The following MYH14 variants were observed in gnomAD, a reference collection of about 807,000 sequenced individuals.
MYH14 encodes myosin heavy chain 14.
In MYH14, 123 loss-of-function variants were observed where a neutral mutation model predicts 255.5. That is an observed-to-expected ratio of 0.48 (90% CI 0.42 to 0.56). MYH14 has a LOEUF of 0.56. MYH14 is among the 20% of genes least tolerant of loss of function. The pLI is 0.00. For synonymous variants in MYH14, 1,095 were observed against 1,161.2 expected (o/e 0.94, Z 1.16); for missense variants, 2,423 against 2,802.3 (o/e 0.86, Z 3.06).
intron 21 of MYH14, 37 bp downstream of exon 21, chr19:50,261,672 C>T (rs770593735): frequency 6.5e-6 from 10 of 1,541,482 alleles, no homozygotes; most frequent in African/African-American, 2.8e-5. Flanking sequence ...TCCTGTTGGC[C>T]GAGACTGGGT....
chr19:50,206,027 C>CCT (rs1334072315), intron 1 of MYH14, among the ~76,000 whole-genome samples: 2 of 152,166 alleles, frequency 1.3e-5, no homozygotes. Context: ...AGTAATTAGC[C>CCT]CTGGCAGAGT....
chr19:50,224,042 C>T (rs1447211692), intron 5 of MYH14, 112 bp from the exon 6 acceptor site: 5 of 730,492 alleles, frequency 6.8e-6, no homozygotes, highest in East Asian at 2.8e-5. Context: ...TCCCCAGTCC[C>T]CCTTCCCCCA....
At position 50,255,337 on chromosome 19, in the gene MYH14, C is replaced by A; in HGVS notation, c.2044+19C>A. On this transcript the variant is annotated intron_variant, in intron 17 of 42. Coordinates refer to ENST00000642316, the MANE Select transcript of MYH14 (RefSeq NM_001145809.2). Reference sequence around the variant, plus strand: ...CCAGGGGGTGGGTGTCTCTGTGCATCGATGGGTGAGGCTTGCTGGAGGAGG... The same window carrying A: ...CCAGGGGGTGGGTGTCTCTGTGCATAGATGGGTGAGGCTTGCTGGAGGAGG... The A allele has an allele frequency of 6.5e-7, 1 of 1,537,538 alleles. No homozygotes were observed. The highest frequency in any genetic ancestry group is 1.4e-5 in the African/African-American group (1 of 72,820).
Position 50,250,040 on chromosome 19 carries a change from T to G in MYH14, c.1656+217T>G, listed in dbSNP as rs2123307636. 1.3e-5 allele frequency among the ~76,000 whole-genome samples: 2 copies of G among 152,394 alleles called. No individual in the cohort carries two copies. Among genetic ancestry groups the G allele is most frequent in the South Asian group, 4.1e-4 (2 of 4,834 alleles). On this transcript the variant is annotated intron_variant, in intron 14 of 42. Coordinates refer to ENST00000642316, the MANE Select transcript of MYH14 (RefSeq NM_001145809.2). This position sits in a 1 kb window ranked among gnomAD's most constrained non-coding sequence, Gnocchi z 5.4. ...CAGGGCCCGGCTCAAATCAATCGGT[T>G]AATCAGAGCTCTCACCGTAACTGTT...
intron 18 of MYH14, chr19:50,258,605 C>G (rs1026826276): frequency 1.3e-5 from 2 of 152,320 alleles, no homozygotes; most frequent in African/African-American, 4.9e-5. Context: ...ACCTATAATC[C>G]CAGCTACTCA....
chr19:50,233,295 G>A (rs1398892880), intron 10 of MYH14, among the ~76,000 whole-genome samples: 3 of 151,732 alleles, frequency 2.0e-5, no homozygotes, highest in East Asian at 1.9e-4. Context: ...TCAGCCTCCC[G>A]AGTAACTGGG....
chr19:50,263,631 C>T lies in MYH14; in HGVS notation c.2694+211C>T, dbSNP rs75862161. Among the ~76,000 whole-genome samples, 13,505 of 152,184 alleles carry T rather than the reference C, an allele frequency of 0.089. 914 individuals are homozygous for T. The highest frequency in any genetic ancestry group is 0.3 in the East Asian group (1,551 of 5,160). The stretch of plus-strand genomic sequence containing the variant: ...ACCAACATGGATCAAAGATTCAAGA[C>T]AATGTGGGCTGCACCTGGATCCAGG... On this transcript the variant is annotated intron_variant, in intron 22 of 42. Transcript: ENST00000642316.
In MYH14 at chr19:50,230,657, G is replaced by GGA; in HGVS notation, c.973+38_973+39dup. 2.0e-6 allele frequency: 3 copies of GGA among 1,530,162 alleles called. No homozygotes were observed. The highest frequency in any genetic ancestry group is 2.7e-6 in the Non-Finnish European group (3 of 1,128,662). The allele number at this position is 1,530,162 out of a possible 1,614,324, so 94.8% of individuals were successfully genotyped here. A position where few individuals can be genotyped will look rare whatever the true frequency, so the allele number is the denominator to read the frequency against. On this transcript the variant is annotated intron_variant, in intron 9 of 42. Transcript: ENST00000642316. This position sits in a 1 kb window ranked among gnomAD's most constrained non-coding sequence, Gnocchi z 4.7. The stretch of plus-strand genomic sequence containing the variant: ...CGCCCCGTCCTACCCTGCTCACCCG[G>GGA]GAGAGGGTGGGCACCATGTCTCTCG...
intron 41 of MYH14, chr19:50,308,759 C>T: frequency 4.1e-6 from 2 of 487,088 alleles, no homozygotes; most frequent in South Asian, 7.9e-5. Flanking sequence ...GGGTCTGGGT[C>T]AGCTCTGGGT....
intron 1 of MYH14, among the ~76,000 whole-genome samples, chr19:50,209,251 C>G (rs1434199153): frequency 6.6e-6 from 1 of 152,156 alleles, no homozygotes; most frequent in African/African-American, 2.4e-5. Flanking sequence ...CGGTAGTGCA[C>G]AGGTGGTGGT....
At chr19:50,272,532 C>T in intron 26 of MYH14, 28 bp from the exon 27 acceptor site, 1 of 1,553,946 alleles carries the variant, frequency 6.4e-7, no homozygotes, top group Non-Finnish European at 8.7e-7. Context: ...CTGGAGTCCT[C>T]ATGCACGGCC....
At chr19:50,219,536 G>A (rs2032699455) in intron 3 of MYH14, among the ~76,000 whole-genome samples, 1 of 152,110 alleles carries the variant, frequency 6.6e-6, no homozygotes, top group Non-Finnish European at 1.5e-5. Context: ...GGTTGGGTGT[G>A]GGGCTTTTAC....
Position 50,278,161 on chromosome 19 carries a change from C to T in MYH14, c.3904C>T (p.Gln1302Ter). 2 of 1,612,250 alleles carry T rather than the reference C, an allele frequency of 1.2e-6. No individual in the cohort carries two copies. The highest frequency in any genetic ancestry group is 1.7e-6 in the Non-Finnish European group (2 of 1,178,922). The change falls in exon 30 of 43, where the codon CAG becomes TAG. Residue 1302 changes from glutamine (Q) to a stop codon, truncating the protein, a stop_gained. Transcript: ENST00000642316. LOFTEE classifies it high-confidence loss of function. ...SELRAELSSLQTARQEGEQRR... is the reference protein window; with the variant it reads ...SELRAELSSL ...GCTGCGGGCAGAACTGAGCAGCCTGCAGACTGCACGTCAGGAGGGTGAGCA... is the reference window on the plus strand; with the variant it reads ...GCTGCGGGCAGAACTGAGCAGCCTGTAGACTGCACGTCAGGAGGGTGAGCA...
In MYH14 at chr19:50,281,613, G is replaced by A. The variant is rs766518836; in HGVS notation, c.4310G>A (p.Arg1437His). 15 of 1,593,312 alleles carry A rather than the reference G, an allele frequency of 9.4e-6. No individual in the cohort carries two copies. The highest frequency in any genetic ancestry group is 2.7e-5 in the African/African-American group (2 of 74,344). Reference protein sequence around the residue: ...AQAQLSEWRRRQEEEAGALEA... With the variant: ...AQAQLSEWRRHQEEEAGALEA... ...CCTCAGCTTTCCGAGTGGCGGCGGC[G>A]CCAGGAGGAGGAGGCAGGGGCACTG... Residue 1437 changes from arginine to histidine, a missense_variant, in exon 33 of 43, where the codon CGC becomes CAC. Physicochemically the swap from Arg to His is conservative, Grantham distance 29 (BLOSUM62 0). Transcript: ENST00000642316.
chr19:50,279,396 G>A lies in MYH14; in HGVS notation c.4033-641G>A, dbSNP rs141062711. The stretch of plus-strand genomic sequence containing the variant: ...CCTGTAATCCCAGCACTTTGGCAGC[G>A]GAGGCGGGTGGGTCACCTGAGGTCA... On this transcript the variant is annotated intron_variant, in intron 30 of 42. Coordinates refer to ENST00000642316, the MANE Select transcript of MYH14 (RefSeq NM_001145809.2). Among the ~76,000 whole-genome samples the A allele has an allele frequency of 7.5e-4, 114 of 152,192 alleles. 1 individual carries two copies. Among genetic ancestry groups the A allele is most frequent in the African/African-American group, 2.2e-3 (91 of 41,546 alleles).
chr19:50,308,761 G>A, intron 41 of MYH14: 1 of 519,096 alleles, frequency 1.9e-6, no homozygotes, highest in Non-Finnish European at 3.4e-6. Context: ...GTCTGGGTCA[G>A]CTCTGGGTAT....
At chr19:50,251,207 G>A (rs2034356776) in intron 15 of MYH14, among the ~76,000 whole-genome samples, 3 of 152,022 alleles carry the variant, frequency 2.0e-5, no homozygotes, top group African/African-American at 7.3e-5. Flanking sequence ...CTCAGTCAAG[G>A]GCCGGCAAAC....
intron 10 of MYH14, among the ~76,000 whole-genome samples, chr19:50,233,992 G>A (rs945468576): frequency 5.3e-5 from 8 of 151,742 alleles, no homozygotes; most frequent in Non-Finnish European, 1.0e-4. Flanking sequence ...TAATTTTTTT[G>A]TACTTTTAGT....
chr19:50,270,631 G>A (rs1447612586), intron 24 of MYH14, among the ~76,000 whole-genome samples: 1 of 151,382 alleles, frequency 6.6e-6, no homozygotes, highest in African/African-American at 2.4e-5. Context: ...TGTCATGTTG[G>A]CAGTACCCAT....
Sources: allele counts gnomAD v4.1 joint callset (sites outside exome capture counted in the v4.1 genomes callset), GRCh38; gene constraint gnomAD v4.1.1; non-coding constraint Gnocchi (gnomAD v3.1); transcripts MANE v1.5; gene names NCBI Gene and HGNC (gene_info 2026-07-23, HGNC 2026-07-21).